The following PTPRD variants were observed in gnomAD, a reference collection of about 807,000 sequenced individuals.
PTPRD encodes the protein receptor-type tyrosine-protein phosphatase delta.
Under a neutral mutation model 214.5 loss-of-function variants are expected in PTPRD, and 34 were observed. The observed-to-expected ratio is 0.16, with a 90% CI of 0.12 to 0.21. PTPRD has a LOEUF of 0.21. Ranked by LOEUF, PTPRD falls within the 10% of genes least tolerant of loss-of-function variation. PTPRD has a pLI of 1.00. For missense variants in PTPRD, 2,545 were observed against 2,398.7 expected (o/e 1.06, Z -1.27); for synonymous variants, 1,128 against 845.7 (o/e 1.33, Z -5.79).
At position 8,449,819 on chromosome 9, in the gene PTPRD, G is replaced by C. The variant is rs1480731231; in HGVS notation, c.3894C>G (p.Asp1298Glu). 6.2e-7 allele frequency: 1 copy of C among 1,613,826 alleles called. No homozygotes were observed. Among genetic ancestry groups the C allele is most frequent in the Non-Finnish European group, 8.5e-7 (1 of 1,179,908 alleles). The change falls in exon 34 of 46, where the codon GAC (aspartate) becomes GAG (glutamate). Residue 1298 changes from aspartate to glutamate, a missense_variant. By Grantham distance (45) the Asp-to-Glu change is conservative. Transcript: ENST00000381196. ...LLYKRKRAES[D>E]SRKSSIPNNK... ...TGTTCGGTATGCTGCTTTTTCTAGA[G>C]TCGGACTCTGCCCTCTTCCTATAGG...
chr9:9,924,997 T>C (rs72692740), intron 5 of PTPRD, among the ~76,000 whole-genome samples: 6,560 of 152,196 alleles, frequency 0.043, 200 homozygotes, highest in Non-Finnish European at 0.064. Context: ...TACTATAATT[T>C]CTAAATAGTC....
chr9:9,065,412 T>C (rs2099725815), intron 10 of PTPRD, among the ~76,000 whole-genome samples: 1 of 152,152 alleles, frequency 6.6e-6, no homozygotes. Flanking sequence ...GAGGCTGGAC[T>C]GTACTAGCAT....
intron 2 of PTPRD, among the ~76,000 whole-genome samples, chr9:10,477,852 C>G (rs1447924656): frequency 6.6e-6 from 1 of 151,616 alleles, no homozygotes; most frequent in Admixed American, 6.6e-5. Flanking sequence ...AAGCTGGAAA[C>G]CATCATCCTC....
At chr9:10,524,009 A>G (rs939452005) in intron 2 of PTPRD, among the ~76,000 whole-genome samples, 7 of 152,032 alleles carry the variant, frequency 4.6e-5, no homozygotes, top group Admixed American at 3.9e-4. Flanking sequence ...CAACATGGTC[A>G]GTTTAAGCTA....
At chr9:10,403,852 G>C (rs577087514) in intron 2 of PTPRD, among the ~76,000 whole-genome samples, 1 of 151,622 alleles carries the variant, frequency 6.6e-6, no homozygotes, top group Non-Finnish European at 1.5e-5. Context: ...ACAAAGGGAA[G>C]GATGAATAGG....
At chr9:10,149,882 C>T (rs1050220531) in intron 3 of PTPRD, among the ~76,000 whole-genome samples, 1 of 151,962 alleles carries the variant, frequency 6.6e-6, no homozygotes, top group Non-Finnish European at 1.5e-5. Context: ...AGGCACCTGC[C>T]ACAACACCCA....
At chr9:9,867,659 T>C (rs1369766720) in intron 5 of PTPRD, among the ~76,000 whole-genome samples, 12 of 152,096 alleles carry the variant, frequency 7.9e-5, no homozygotes. Context: ...AGATATAATC[T>C]CCCCAAATCT....
At chr9:10,076,932 A>G (rs767960109) in intron 3 of PTPRD, among the ~76,000 whole-genome samples, 26 of 152,144 alleles carry the variant, frequency 1.7e-4, no homozygotes, top group Non-Finnish European at 3.2e-4. Context: ...TGATTCTTTC[A>G]TTGCTTAGCC....
intron 9 of PTPRD, among the ~76,000 whole-genome samples, chr9:9,305,407 A>G (rs1220289883): frequency 6.6e-6 from 1 of 152,114 alleles, no homozygotes; most frequent in East Asian, 1.9e-4. Flanking sequence ...GGCACTGTAT[A>G]AGGTCTTAAT....
At chr9:8,987,264 T>G (rs1313044910) in intron 11 of PTPRD, among the ~76,000 whole-genome samples, 4 of 152,082 alleles carry the variant, frequency 2.6e-5, no homozygotes, top group Non-Finnish European at 4.4e-5. Context: ...AAGGTATGTG[T>G]GAGTGTGTGG....
At chr9:8,449,433 A>C (rs1396653923) in intron 34 of PTPRD, among the ~76,000 whole-genome samples, 1 of 152,194 alleles carries the variant, frequency 6.6e-6, no homozygotes, top group African/African-American at 2.4e-5. Context: ...AAATAATAAA[A>C]ACAATAATCA....
chr9:10,307,700 AT>A (rs1565188193), intron 3 of PTPRD, among the ~76,000 whole-genome samples: 1 of 151,954 alleles, frequency 6.6e-6, no homozygotes, highest in African/African-American at 2.4e-5. Context: ...TAAATACTGG[AT>A]GTAAAAGATA....
At chr9:8,617,550 G>C (rs115282619) in intron 14 of PTPRD, among the ~76,000 whole-genome samples, 1,748 of 152,134 alleles carry the variant, frequency 0.011, 36 homozygotes, top group African/African-American at 0.039. Context: ...CAACATATTT[G>C]AGTCCCTTCT....
chr9:10,095,572 T>G (rs1158835011), intron 3 of PTPRD, among the ~76,000 whole-genome samples: 3 of 151,500 alleles, frequency 2.0e-5, no homozygotes, highest in Non-Finnish European at 3.0e-5. Flanking sequence ...CCAGACAGCG[T>G]GAATAACAAA....
chr9:8,762,196 C>T (rs935400210), intron 11 of PTPRD, among the ~76,000 whole-genome samples: 2 of 152,122 alleles, frequency 1.3e-5, no homozygotes, highest in African/African-American at 4.8e-5. Flanking sequence ...AATTTTTCCT[C>T]TGCATTCAAT....
intron 10 of PTPRD, among the ~76,000 whole-genome samples, chr9:9,118,952 G>T (rs1348976074): frequency 6.6e-6 from 1 of 152,098 alleles, no homozygotes; most frequent in Non-Finnish European, 1.5e-5. Context: ...AAGTTAGAGG[G>T]CCTAAAGTTG....
At chr9:10,595,097 C>G (rs192337741) in intron 2 of PTPRD, among the ~76,000 whole-genome samples, 1 of 151,782 alleles carries the variant, frequency 6.6e-6, no homozygotes, top group African/African-American at 2.4e-5. Context: ...TATATTGTTT[C>G]GTTCTTGTCT....
rs185257141 is a variant in PTPRD at position 9,315,203 on chromosome 9, T to C, written c.-203+82246A>G. 5.8e-4 allele frequency among the ~76,000 whole-genome samples: 88 copies of C among 152,120 alleles called. 1 individual carries two copies. The highest frequency in any genetic ancestry group is 4.9e-3 in the Admixed American group (75 of 15,252). ...AAGAAGCTGAATTTCACCAAGCTTA[T>C]TGTGTTGTAATATATAACTCCCAAA... is the stretch of plus-strand genomic sequence containing the variant. On this transcript the variant is annotated intron_variant, in intron 9 of 45. Transcript: ENST00000381196.
At chr9:9,936,289 G>A (rs1203092402) in intron 5 of PTPRD, among the ~76,000 whole-genome samples, 1 of 151,120 alleles carries the variant, frequency 6.6e-6, no homozygotes, top group Non-Finnish European at 1.5e-5. Context: ...GAGTGAACAG[G>A]CAACCTAAAA....
Sources: allele counts gnomAD v4.1 joint callset (sites outside exome capture counted in the v4.1 genomes callset), GRCh38; gene constraint gnomAD v4.1.1; transcripts MANE v1.5; gene names NCBI Gene and HGNC (gene_info 2026-07-23, HGNC 2026-07-21).